Variants in MTCL1 observed in about 807,000 individuals in gnomAD.
MTCL1 encodes microtubule cross-linking factor 1.
A neutral mutation model predicts 141.4 loss-of-function variants in MTCL1; 79 were observed. That is an observed-to-expected ratio of 0.56 (90% CI 0.47 to 0.67). The LOEUF is 0.67. Ranked by LOEUF, MTCL1 falls within the 30% of genes least tolerant of loss-of-function variation. The pLI is 0.00. For missense variants in MTCL1, 2,177 were observed against 2,113.9 expected, an observed-to-expected ratio of 1.03 and a Z score of -0.59; for synonymous variants, 914 against 875.8, an observed-to-expected ratio of 1.04 and a Z score of -0.77.
rs1355172696 is a variant in MTCL1 at position 8,798,284 on chromosome 18, A to G, written c.2429A>G (p.His810Arg). 1.9e-6 allele frequency: 3 copies of G among 1,540,854 alleles called. No homozygotes were observed. The Admixed American group carries it at 6.2e-5, about 32-fold the overall frequency. Residue 810 changes from histidine to arginine, a missense_variant, in exon 10 of 17, where the codon CAC (histidine) becomes CGC (arginine). By Grantham distance (29) the His-to-Arg change is conservative (BLOSUM62 0). Coordinates refer to ENST00000359865, the Ensembl canonical transcript of MTCL1. ...CAGACCGCGGACAGGGGACAGCCCC[A>G]CAAACAGGTGGGTACCTCGACCCGA...
At chr18:8,794,181 T>C (rs917306359) in intron 8 of MTCL1, among the ~76,000 whole-genome samples, 3 of 152,234 alleles carry the variant, frequency 2.0e-5, no homozygotes, top group Non-Finnish European at 2.9e-5. Flanking sequence ...AAAAAATGTT[T>C]GCATGGCACC....
chr18:8,705,922 C>G lies in MTCL1; in HGVS notation c.262C>G (p.Pro88Ala), dbSNP rs1598333478. 2 of 1,087,452 alleles carry G rather than the reference C, an allele frequency of 1.8e-6. No individual in the cohort carries two copies. The highest frequency in any genetic ancestry group is 2.2e-6 in the Non-Finnish European group (2 of 897,438). The allele number at this position is 1,087,452 out of a possible 1,614,324, so 67.4% of individuals were successfully genotyped here. A position where few individuals can be genotyped will look rare whatever the true frequency, so the allele number is the denominator to read the frequency against. ...CCTCGCGGGCAAAGCGCCGCCCTCG[C>G]CGGGGTCCCTGGCCGCGCCCGGCCG... Residue 88 changes from proline (P) to alanine (A), a missense_variant, in exon 1 of 14, where the codon CCG (proline) becomes GCG (alanine). Coordinates refer to the MTCL1 transcript ENST00000306329. The surrounding 1 kb of genome is among the most constrained non-coding windows in gnomAD (Gnocchi z 5.2).
chr18:8,739,324 C>G (rs2096289747), intron 4 of MTCL1, among the ~76,000 whole-genome samples: 1 of 152,090 alleles, frequency 6.6e-6, no homozygotes. Flanking sequence ...CAGGCAGGGG[C>G]CTATTTCACC....
chr18:8,811,634 A>G (rs622642), intron 11 of MTCL1, among the ~76,000 whole-genome samples: 56,783 of 151,884 alleles, frequency 0.37, 11,196 homozygotes, highest in East Asian at 0.64. Context: ...TCATTTTAAG[A>G]AAGTTAATTG....
chr18:8,714,673 C>T (rs1295426169), upstream of MTCL1, among the ~76,000 whole-genome samples: 1 of 152,164 alleles, frequency 6.6e-6, no homozygotes, highest in African/African-American at 2.4e-5. Context: ...AACCCGCCCC[C>T]GTGATTCAGT....
chr18:8,762,380 C>T (rs73396432), intron 4 of MTCL1, among the ~76,000 whole-genome samples: 7 of 152,328 alleles, frequency 4.6e-5, no homozygotes, highest in Admixed American at 2.0e-4. Context: ...ATGCAGTGTG[C>T]GCTGGGACAT....
chr18:8,791,208 C>G (rs1322378050), intron 7 of MTCL1, among the ~76,000 whole-genome samples: 2 of 152,232 alleles, frequency 1.3e-5, no homozygotes, highest in East Asian at 1.9e-4. Flanking sequence ...AAGCATCTGC[C>G]TGCTGGCCCC....
At position 8,803,160 on chromosome 18, in the gene MTCL1, A is replaced by T. The variant is rs575900166; in HGVS notation, c.2437-3733A>T. 2.5e-4 allele frequency among the ~76,000 whole-genome samples: 4 copies of T among 16,184 alleles called. No individual in the cohort carries two copies. In the East Asian group the frequency reaches 2.6e-3, roughly 11 times the overall value. 10.6% of individuals were successfully genotyped at this position (16,184 alleles called of 152,430 possible). A position where few individuals can be genotyped will look rare whatever the true frequency, so the allele number is the denominator to read the frequency against. ...AGATGGCTTCTGCAAGGTAAAGTTT[A>T]AAAAAAAAAAAAAGAAGAAGAAAAA... On this transcript the variant is annotated intron_variant, in intron 10 of 16. Coordinates refer to ENST00000359865, the Ensembl canonical transcript of MTCL1.
At chr18:8,776,192 C>T (rs797018761) in intron 4 of MTCL1, among the ~76,000 whole-genome samples, 6 of 152,266 alleles carry the variant, frequency 3.9e-5, no homozygotes, top group South Asian at 2.1e-4. Flanking sequence ...GGGAGGTGGG[C>T]GTTGGGGACA....
chr18:8,796,087 A>G (rs1424089284), intron 8 of MTCL1, 145 bp from the exon 8 acceptor site: 5 of 725,880 alleles, frequency 6.9e-6, no homozygotes, highest in East Asian at 2.5e-5. Context: ...CCCTTTATCA[A>G]ACTGAACTTC....
At chr18:8,825,603 C>T in exon 15 of MTCL1, 1 of 1,613,836 alleles carries the variant, frequency 6.2e-7, no homozygotes, top group Non-Finnish European at 8.5e-7. Context: ...TTCCCGGAGC[C>T]TTAGGAGCAG....
chr18:8,761,368 C>T (rs2096431550), intron 4 of MTCL1, among the ~76,000 whole-genome samples: 1 of 152,162 alleles, frequency 6.6e-6, no homozygotes, highest in African/African-American at 2.4e-5. Context: ...ACCATTTTAA[C>T]CTTTTTAAAG....
intron 10 of MTCL1, among the ~76,000 whole-genome samples, chr18:8,803,213 A>C (rs1220776537): frequency 6.6e-6 from 1 of 151,688 alleles, no homozygotes; most frequent in Non-Finnish European, 1.5e-5. Context: ...GTATAATGTC[A>C]GAATTCGAAT....
chr18:8,748,891 T>C (rs1032693131), intron 4 of MTCL1, among the ~76,000 whole-genome samples: 2 of 152,140 alleles, frequency 1.3e-5, no homozygotes, highest in African/African-American at 2.4e-5. Flanking sequence ...CAGCTCCTTC[T>C]TGGGGGTCAT....
At chr18:8,809,806 G>C (rs1028829778) in intron 11 of MTCL1, 25 of 567,418 alleles carry the variant, frequency 4.4e-5, no homozygotes, top group African/African-American at 4.3e-4. Flanking sequence ...GGTTGGATTT[G>C]AGGTGTGTGT....
At chr18:8,823,121 T>C (rs612012) in intron 14 of MTCL1, among the ~76,000 whole-genome samples, 40,478 of 152,060 alleles carry the variant, frequency 0.27, 6,613 homozygotes, top group African/African-American at 0.45. Context: ...CCTCTGATTC[T>C]GACTGCCCGG....
intron 4 of MTCL1, among the ~76,000 whole-genome samples, chr18:8,727,111 G>A (rs2096220756): frequency 6.6e-6 from 1 of 152,188 alleles, no homozygotes; most frequent in Admixed American, 6.5e-5. Flanking sequence ...CTCCATCCAT[G>A]TTGCTGCGAA....
intron 7 of MTCL1, chr18:8,786,570 G>A (rs369599994): frequency 2.1e-4 from 75 of 357,440 alleles, no homozygotes; most frequent in African/African-American, 7.5e-4. Context: ...AGGGAGGCTC[G>A]CTCCTGACCT....
chr18:8,785,720 A>G (rs891509547), intron 6 of MTCL1: 5 of 585,214 alleles, frequency 8.5e-6, no homozygotes, highest in East Asian at 6.1e-5. Context: ...GCTCATCCTC[A>G]TCTTGGGTCT....
Sources: allele counts gnomAD v4.1 joint callset (sites outside exome capture counted in the v4.1 genomes callset), GRCh38; gene constraint gnomAD v4.1.1; non-coding constraint Gnocchi (gnomAD v3.1); transcripts MANE v1.5; gene names NCBI Gene and HGNC (gene_info 2026-07-23, HGNC 2026-07-21).